The following NUMB variants were observed in gnomAD, a reference collection of about 807,000 sequenced individuals.
NUMB encodes the protein protein numb homolog.
In NUMB, 29 loss-of-function variants were observed where a neutral mutation model predicts 59.7. The observed-to-expected ratio is 0.49, with a 90% CI of 0.36 to 0.66. The LOEUF is 0.66. Ranked by LOEUF, NUMB falls within the 30% of genes least tolerant of loss-of-function variation. The probability of loss-of-function intolerance (pLI) is 0.00; values close to 1 mark genes in which losing one functional copy is unlikely to be tolerated. For missense variants in NUMB, 723 were observed against 822.0 expected (o/e 0.88, Z 1.47); for synonymous variants, 288 against 288.2 (o/e 1.00, Z 0.01).
At chr14:73,353,507 C>A (rs2140014533) in intron 4 of NUMB, among the ~76,000 whole-genome samples, 1 of 150,652 alleles carries the variant, frequency 6.6e-6, no homozygotes, top group African/African-American at 2.4e-5. Context: ...TACTTAAATG[C>A]AATTCTTAAA....
intron 2 of NUMB, among the ~76,000 whole-genome samples, chr14:73,369,382 T>C (rs1894553905): frequency 6.6e-6 from 1 of 152,196 alleles, no homozygotes; most frequent in South Asian, 2.1e-4. Flanking sequence ...AATAGCCATA[T>C]CTTCAATTGC....
chr14:73,322,581 G>C (rs1891462349), intron 5 of NUMB, among the ~76,000 whole-genome samples: 2 of 152,078 alleles, frequency 1.3e-5, no homozygotes, highest in South Asian at 4.1e-4. Flanking sequence ...GTTTTCCCCA[G>C]GAAGCTATTT....
chr14:73,287,124 T>C lies in NUMB; in HGVS notation c.641A>G (p.Gln214Arg). The change falls in exon 9 of 13, where the codon CAA (glutamine) becomes CGA (arginine). Residue 214 changes from glutamine to arginine, a missense_variant. Around this residue, in one of 2 missense-constraint regions of NUMB, gnomAD observed 317 missense variants for 436.6 expected, o/e 0.73. Transcript: ENST00000555238. ...ACAGATTGTACCTTTCTTGGCATCTTGCATTTGTTTCATGATCTCCTCTCT... is the reference window on the plus strand; with the variant it reads ...ACAGATTGTACCTTTCTTGGCATCTCGCATTTGTTTCATGATCTCCTCTCT... ...AEREEIMKQM[Q>R]DAKKAETDKI... 1 of 1,613,968 alleles carries C rather than the reference T, an allele frequency of 6.2e-7. No homozygotes were observed. The highest frequency in any genetic ancestry group is 8.5e-7 in the Non-Finnish European group (1 of 1,179,902).
intron 6 of NUMB, among the ~76,000 whole-genome samples, chr14:73,314,721 T>C (rs141277013): frequency 4.7e-4 from 72 of 152,182 alleles, no homozygotes; most frequent in Non-Finnish European, 1.0e-3. Context: ...TTATCTTATA[T>C]AGCTTATCGT....
chr14:73,457,456 A>G (rs74061132), intron 1 of NUMB, among the ~76,000 whole-genome samples: 8,065 of 152,162 alleles, frequency 0.053, 691 homozygotes, highest in African/African-American at 0.18. Context: ...AATTTCTCAT[A>G]TATCTACTGT....
intron 3 of NUMB, among the ~76,000 whole-genome samples, chr14:73,360,432 C>T (rs1594948704): frequency 1.3e-5 from 2 of 152,104 alleles, no homozygotes; most frequent in African/African-American, 4.8e-5. Flanking sequence ...GTGGCGGGCA[C>T]CTTGTAGCCC....
chr14:73,351,403 C>T (rs924370776), intron 4 of NUMB, among the ~76,000 whole-genome samples: 15 of 152,194 alleles, frequency 9.9e-5, no homozygotes, highest in Admixed American at 6.5e-4. Flanking sequence ...ACCCTAGAGG[C>T]GGAGGTTGCA....
At chr14:73,399,932 G>T (rs1007729746) in intron 2 of NUMB, among the ~76,000 whole-genome samples, 15 of 151,958 alleles carry the variant, frequency 9.9e-5, no homozygotes, top group African/African-American at 3.6e-4. Context: ...CCAGCTACTC[G>T]GGAGGCTGAG....
At chr14:73,311,355 C>T (rs1354846791) in intron 6 of NUMB, among the ~76,000 whole-genome samples, 5 of 152,062 alleles carry the variant, frequency 3.3e-5, no homozygotes, top group African/African-American at 1.2e-4. Context: ...TGCCCGGCCA[C>T]GGCAATGAGC....
intron 1 of NUMB, among the ~76,000 whole-genome samples, chr14:73,429,711 G>A (rs1032894612): frequency 6.6e-6 from 1 of 152,096 alleles, no homozygotes; most frequent in Non-Finnish European, 1.5e-5. Flanking sequence ...GGGAGGCTGA[G>A]GCAGGCAGAT....
chr14:73,418,886 C>T (rs2140147206), intron 1 of NUMB, among the ~76,000 whole-genome samples: 1 of 152,206 alleles, frequency 6.6e-6, no homozygotes, highest in Admixed American at 6.5e-5. Flanking sequence ...ATTTTTGAGT[C>T]CTATGGTGAC....
intron 4 of NUMB, among the ~76,000 whole-genome samples, chr14:73,335,288 G>A (rs1892240957): frequency 1.8e-5 from 2 of 110,188 alleles, no homozygotes; most frequent in Non-Finnish European, 1.7e-5. Context: ...AGCTATTTAT[G>A]CCAGCCAAAA....
intron 2 of NUMB, among the ~76,000 whole-genome samples, chr14:73,400,146 A>G (rs1896345086): frequency 6.6e-6 from 1 of 152,224 alleles, no homozygotes; most frequent in African/African-American, 2.4e-5. Flanking sequence ...TTAAATGCAC[A>G]CTACTAAGTG....
chr14:73,279,410 A>C lies in NUMB; in HGVS notation c.1111T>G (p.Ser371Ala), dbSNP rs1888450765. Residue 371 changes from serine (S) to alanine (A), a missense_variant, in exon 12 of 13, where the codon TCA becomes GCA. This residue lies in a region of NUMB where 406 missense variants were observed against 385.4 expected (regional missense o/e 1.05). Coordinates refer to ENST00000555238, the MANE Select transcript of NUMB (RefSeq NM_001005743.2). ...GGCTTAGCAAGCACATGGAAGGCTG[A>C]GTCAGTGCCATTAGCTACAACGGGA... Reference protein sequence around the residue: ...SPTFQANGTDSAFHVLAKPAH... With the variant: ...SPTFQANGTDAAFHVLAKPAH... 1 of 1,589,396 alleles carries C rather than the reference A, an allele frequency of 6.3e-7. No individual in the cohort carries two copies. The highest frequency in any genetic ancestry group is 8.6e-7 in the Non-Finnish European group (1 of 1,167,972).
intron 10 of NUMB, among the ~76,000 whole-genome samples, chr14:73,282,866 C>T (rs1022405086): frequency 1.3e-5 from 2 of 152,188 alleles, no homozygotes; most frequent in Non-Finnish European, 2.9e-5. Flanking sequence ...ACCTGTATGC[C>T]TTCCAACGTG....
At chr14:73,418,361 G>A (rs1261174722) in intron 1 of NUMB, among the ~76,000 whole-genome samples, 1 of 152,152 alleles carries the variant, frequency 6.6e-6, no homozygotes, top group Non-Finnish European at 1.5e-5. Flanking sequence ...TTGTTTAATG[G>A]GCCCGTGCCC....
intron 6 of NUMB, among the ~76,000 whole-genome samples, chr14:73,308,618 C>T (rs915327892): frequency 3.9e-5 from 6 of 152,036 alleles, no homozygotes; most frequent in African/African-American, 7.3e-5. Flanking sequence ...GCTTGTAAGA[C>T]GGAAATACCA....
intron 1 of NUMB, among the ~76,000 whole-genome samples, chr14:73,436,233 A>C (rs1898048489): frequency 6.6e-6 from 1 of 152,192 alleles, no homozygotes; most frequent in Non-Finnish European, 1.5e-5. Context: ...GTTGAAGATC[A>C]TTTTGATTCT....
intron 6 of NUMB, among the ~76,000 whole-genome samples, chr14:73,302,446 G>A (rs898773380): frequency 1.5e-5 from 2 of 129,990 alleles, no homozygotes; most frequent in African/African-American, 3.0e-5. Flanking sequence ...TTACTCTGTC[G>A]CCCAGGCTGG....
Sources: allele counts gnomAD v4.1 joint callset (sites outside exome capture counted in the v4.1 genomes callset), GRCh38; gene constraint gnomAD v4.1.1; regional missense constraint gnomAD v4.1.1; transcripts MANE v1.5; gene names NCBI Gene and HGNC (gene_info 2026-07-23, HGNC 2026-07-21).